The following KCNIP4 variants were observed in gnomAD, a reference collection of about 807,000 sequenced individuals.
The protein encoded by KCNIP4 is potassium voltage-gated channel interacting protein 4.
KCNIP4 carries 12 observed loss-of-function variants against 34.0 expected under a neutral mutation model. That is an observed-to-expected ratio of 0.35 (90% confidence interval 0.23 to 0.57). The LOEUF is 0.57. Ranked by LOEUF, KCNIP4 falls within the 20% of genes least tolerant of loss-of-function variation. The pLI is 0.83. For synonymous variants in KCNIP4, 124 were observed against 102.2 expected (o/e 1.21, Z -1.29); for missense variants, 238 against 311.7 (o/e 0.76, Z 1.78).
At position 21,569,473 on chromosome 4, in the gene KCNIP4, T is replaced by C. The variant is rs150464289; in HGVS notation, c.61+379098A>G. On this transcript the variant is annotated intron_variant, in intron 1 of 8. Transcript: ENST00000382152. ...ATTATGAATTTGAGGATTCATGACA[T>C]TCTTGGGATACATTTTAGAAAAACT... 6.3e-3 allele frequency among the ~76,000 whole-genome samples: 961 copies of C among 152,008 alleles called. 18 individuals carry two copies. Among genetic ancestry groups the C allele is most frequent in the African/African-American group, 0.022 (915 of 41,460 alleles).
At chr4:20,924,245 A>G (rs1729683913) in intron 1 of KCNIP4, among the ~76,000 whole-genome samples, 1 of 152,154 alleles carries the variant, frequency 6.6e-6, no homozygotes, top group African/African-American at 2.4e-5. Flanking sequence ...TATTATTTCT[A>G]GGCCATTGCT....
At chr4:20,772,665 G>A (rs1310484724) in intron 3 of KCNIP4, among the ~76,000 whole-genome samples, 2 of 147,448 alleles carry the variant, frequency 1.4e-5, no homozygotes, top group Non-Finnish European at 1.5e-5. Context: ...TTTTTCTTCC[G>A]AGTTTCGCTC....
At chr4:21,012,190 T>C (rs1433014168) in intron 1 of KCNIP4, among the ~76,000 whole-genome samples, 4 of 152,182 alleles carry the variant, frequency 2.6e-5, no homozygotes, top group Non-Finnish European at 5.9e-5. Context: ...ACACACAGCA[T>C]TGTGCTTGGT....
chr4:20,784,486 C>G (rs1468311564), intron 3 of KCNIP4, among the ~76,000 whole-genome samples: 3 of 152,182 alleles, frequency 2.0e-5, no homozygotes, highest in Non-Finnish European at 1.5e-5. Flanking sequence ...TGGACTAGCA[C>G]AGTAGCCAAA....
chr4:21,862,955 C>T (rs986819398), intron 1 of KCNIP4, among the ~76,000 whole-genome samples: 5 of 93,368 alleles, frequency 5.4e-5, no homozygotes, highest in South Asian at 5.3e-4. Context: ...AGTGAGACTC[C>T]GTCTCAAAAA....
intron 1 of KCNIP4, among the ~76,000 whole-genome samples, chr4:21,455,842 T>TTTTTTACAGAATGA (rs1728914266): frequency 1.0e-5 from 1 of 98,496 alleles, no homozygotes; most frequent in African/African-American, 4.8e-5. Flanking sequence ...TATATATATA[T>TTTTTTACAGAATGA]ATATATATAT....
intron 1 of KCNIP4, among the ~76,000 whole-genome samples, chr4:21,669,759 C>T (rs1030891798): frequency 7.2e-5 from 11 of 152,156 alleles, no homozygotes; most frequent in African/African-American, 2.2e-4. Context: ...TTACCAATTA[C>T]CATAATCTTA....
intron 1 of KCNIP4, among the ~76,000 whole-genome samples, chr4:21,501,784 C>T (rs1039971627): frequency 2.7e-5 from 4 of 150,162 alleles, no homozygotes; most frequent in African/African-American, 9.8e-5. Context: ...CCAAGGTTAA[C>T]CAACCTTAAA....
At chr4:21,760,359 C>T (rs944387042) in intron 1 of KCNIP4, among the ~76,000 whole-genome samples, 2 of 152,074 alleles carry the variant, frequency 1.3e-5, no homozygotes, top group African/African-American at 4.8e-5. Context: ...TGAGGGAAAA[C>T]GCCCAATCCC....
intron 1 of KCNIP4, among the ~76,000 whole-genome samples, chr4:21,903,400 TG>T (rs1262540274): frequency 6.6e-6 from 1 of 152,170 alleles, no homozygotes; most frequent in Non-Finnish European, 1.5e-5. Flanking sequence ...ATTAACCATA[TG>T]GAAAACCCAC....
chr4:21,343,780 C>G (rs539720228), intron 1 of KCNIP4, among the ~76,000 whole-genome samples: 28 of 152,138 alleles, frequency 1.8e-4, no homozygotes, highest in African/African-American at 6.5e-4. Flanking sequence ...TCTTTTTTGC[C>G]ACACCTGAAA....
At chr4:20,806,170 C>A (rs1715060534) in intron 3 of KCNIP4, among the ~76,000 whole-genome samples, 1 of 151,874 alleles carries the variant, frequency 6.6e-6, no homozygotes, top group African/African-American at 2.4e-5. Context: ...TTTATTGTCA[C>A]TTTGTTTTGT....
intron 1 of KCNIP4, among the ~76,000 whole-genome samples, chr4:21,336,961 T>C (rs1417574057): frequency 6.6e-6 from 1 of 151,826 alleles, no homozygotes; most frequent in African/African-American, 2.4e-5. Context: ...AGGAAGAAAC[T>C]AGAAAGGTTT....
intron 1 of KCNIP4, among the ~76,000 whole-genome samples, chr4:21,604,237 C>T (rs530391177): frequency 6.6e-6 from 1 of 151,988 alleles, no homozygotes; most frequent in South Asian, 2.1e-4. Flanking sequence ...TTGCTTAAAG[C>T]CCATTAAATT....
At chr4:21,693,925 CAG>C (rs1182322092) in intron 1 of KCNIP4, among the ~76,000 whole-genome samples, 2 of 152,154 alleles carry the variant, frequency 1.3e-5, no homozygotes, top group African/African-American at 4.8e-5. Context: ...AAGCCTGAAA[CAG>C]AGCTCCAGGC....
chr4:20,807,074 T>A (rs1275927599), intron 3 of KCNIP4, among the ~76,000 whole-genome samples: 4 of 152,144 alleles, frequency 2.6e-5, no homozygotes, highest in Non-Finnish European at 4.4e-5. Context: ...GGTTCTGTCA[T>A]CACTGTGGGC....
intron 1 of KCNIP4, among the ~76,000 whole-genome samples, chr4:21,237,007 GAA>G (rs370053593): frequency 1.3e-4 from 18 of 136,098 alleles, no homozygotes; most frequent in Middle Eastern, 3.9e-3. Context: ...CTCCATCATG[GAA>G]AAAAAAAAAA....
intron 1 of KCNIP4, among the ~76,000 whole-genome samples, chr4:21,477,405 C>T (rs1268593594): frequency 6.6e-6 from 1 of 152,076 alleles, no homozygotes; most frequent in African/African-American, 2.4e-5. Flanking sequence ...AGACTGAATA[C>T]CTTTGAATAT....
chr4:21,640,860 G>A (rs915769732), intron 1 of KCNIP4, among the ~76,000 whole-genome samples: 49 of 152,122 alleles, frequency 3.2e-4, no homozygotes, highest in African/African-American at 1.1e-3. Context: ...TAAATTGTTG[G>A]TGACAGATAG....
Sources: allele counts gnomAD v4.1 joint callset (sites outside exome capture counted in the v4.1 genomes callset), GRCh38; gene constraint gnomAD v4.1.1; transcripts MANE v1.5; gene names NCBI Gene and HGNC (gene_info 2026-07-23, HGNC 2026-07-21).